Variants in UMAD1 observed in about 807,000 individuals in gnomAD.
UMAD1 encodes the protein UBAP1-MVB12-associated (UMA)-domain containing protein 1.
Under a neutral mutation model 6.1 loss-of-function variants are expected in UMAD1, and 8 were observed. The ratio of observed to expected loss-of-function variants is 1.30; its 90% confidence interval spans 0.76 to 2.35. UMAD1 has a LOEUF of 2.35. Among genes scored for constraint, UMAD1 ranks in the 30% most tolerant of loss-of-function variants. The probability of loss-of-function intolerance (pLI) is 0.00; values close to 1 mark genes in which losing one functional copy is unlikely to be tolerated. For synonymous variants in UMAD1, 56 were observed against 31.4 expected (o/e 1.78, Z -2.61); for missense variants, 130 against 78.4 (o/e 1.66, Z -2.49).
intron 3 of UMAD1, among the ~76,000 whole-genome samples, chr7:7,808,386 CA>C (rs1381545270): frequency 6.6e-6 from 1 of 151,920 alleles, no homozygotes; most frequent in Non-Finnish European, 1.5e-5. Flanking sequence ...ATAAACATTA[CA>C]TGTAAGCAAG....
intron 3 of UMAD1, among the ~76,000 whole-genome samples, chr7:7,808,182 T>C (rs1272028170): frequency 6.6e-6 from 1 of 152,014 alleles, no homozygotes; most frequent in African/African-American, 2.4e-5. Context: ...AATTAAAGGA[T>C]TAGACACATC....
intron 2 of UMAD1, among the ~76,000 whole-genome samples, chr7:7,784,931 T>G (rs1395499401): frequency 6.6e-6 from 1 of 151,924 alleles, no homozygotes; most frequent in Non-Finnish European, 1.5e-5. Context: ...CCCGGCTAAT[T>G]TTTTGTATTT....
At chr7:7,744,609 T>A (rs1476732247) in intron 2 of UMAD1, among the ~76,000 whole-genome samples, 4 of 151,568 alleles carry the variant, frequency 2.6e-5, no homozygotes, top group Admixed American at 6.6e-5. Context: ...TTTTTTTTTT[T>A]ATTATAGTCA....
chr7:7,716,803 G>A (rs1310593428), intron 2 of UMAD1, among the ~76,000 whole-genome samples: 3 of 152,128 alleles, frequency 2.0e-5, no homozygotes, highest in East Asian at 1.9e-4. Context: ...AAAATTAGGC[G>A]GGCATGGTGG....
intron 3 of UMAD1, among the ~76,000 whole-genome samples, chr7:7,822,279 T>C (rs772477057): frequency 5.9e-5 from 9 of 152,038 alleles, no homozygotes; most frequent in Non-Finnish European, 1.3e-4. Context: ...GGGTAAATGC[T>C]GATAATAATG....
intron 2 of UMAD1, among the ~76,000 whole-genome samples, chr7:7,786,292 G>C (rs562777925): frequency 6.6e-6 from 1 of 152,220 alleles, no homozygotes; most frequent in East Asian, 1.9e-4. Flanking sequence ...AAAATCACAA[G>C]CTAATTATTT....
At chr7:7,749,425 C>G (rs1781636692) in intron 2 of UMAD1, among the ~76,000 whole-genome samples, 1 of 152,054 alleles carries the variant, frequency 6.6e-6, no homozygotes, top group Non-Finnish European at 1.5e-5. Flanking sequence ...CTGCCTAATC[C>G]AAGGAAAAAT....
intron 1 of UMAD1, among the ~76,000 whole-genome samples, chr7:7,646,095 T>C (rs192961250): frequency 1.4e-3 from 207 of 152,318 alleles, no homozygotes; most frequent in African/African-American, 4.6e-3. Context: ...ACAGTGCTCT[T>C]TTAGCCCTGC....
At chr7:7,668,611 C>T (rs1297119751) in intron 1 of UMAD1, among the ~76,000 whole-genome samples, 1 of 152,086 alleles carries the variant, frequency 6.6e-6, no homozygotes, top group African/African-American at 2.4e-5. Context: ...GTAATGAAAC[C>T]AGTTTTACCA....
At chr7:7,814,671 A>G (rs1461359073) in intron 3 of UMAD1, among the ~76,000 whole-genome samples, 1 of 152,156 alleles carries the variant, frequency 6.6e-6, no homozygotes, top group Non-Finnish European at 1.5e-5. Flanking sequence ...AATAGGTTGT[A>G]AGTGGTATAC....
intron 2 of UMAD1, among the ~76,000 whole-genome samples, chr7:7,753,348 G>A (rs986369406): frequency 1.4e-4 from 21 of 152,120 alleles, no homozygotes; most frequent in African/African-American, 4.6e-4. Flanking sequence ...CTCTTGTGTT[G>A]TCAAATATTT....
At chr7:7,805,194 C>T (rs952001330) in intron 3 of UMAD1, among the ~76,000 whole-genome samples, 1 of 152,108 alleles carries the variant, frequency 6.6e-6, no homozygotes, top group African/African-American at 2.4e-5. Context: ...GCCTATGTAA[C>T]ATTTCACTTA....
At chr7:7,871,834 A>T (rs1454094131) in intron 3 of UMAD1, among the ~76,000 whole-genome samples, 2 of 129,650 alleles carry the variant, frequency 1.5e-5, no homozygotes, top group South Asian at 4.9e-4. Context: ...CTCACAAATA[A>T]CAGAGAATTG....
At chr7:7,841,061 A>G (rs1178631355) in intron 3 of UMAD1, among the ~76,000 whole-genome samples, 1 of 152,226 alleles carries the variant, frequency 6.6e-6, no homozygotes, top group East Asian at 1.9e-4. Flanking sequence ...TACCTGTGCC[A>G]GGGTTGGGAT....
chr7:7,729,773 C>T (rs1481838808), intron 2 of UMAD1, among the ~76,000 whole-genome samples: 1 of 152,218 alleles, frequency 6.6e-6, no homozygotes, highest in Non-Finnish European at 1.5e-5. Flanking sequence ...TCATTCTCTG[C>T]TGTGGTCTTG....
At position 7,862,651 on chromosome 7, in the gene UMAD1, A is replaced by G. The variant is rs115943357; in HGVS notation, c.157-14630A>G. ...AGATGCTGTAGTTTTCTAAGCTACT[A>G]CATGTTGTAACCAGCTTGGTAGATT... is the stretch of plus-strand genomic sequence containing the variant. On this transcript the variant is annotated intron_variant, in intron 3 of 3. Transcript: ENST00000682710. Among the ~76,000 whole-genome samples the G allele has an allele frequency of 4.4e-3, 669 of 152,330 alleles. 5 individuals carry two copies. The highest frequency in any genetic ancestry group is 0.016 in the African/African-American group (652 of 41,564).
chr7:7,840,130 T>C (rs1783650000), intron 3 of UMAD1, among the ~76,000 whole-genome samples: 1 of 152,148 alleles, frequency 6.6e-6, no homozygotes, highest in East Asian at 1.9e-4. Context: ...GGTCACAAAA[T>C]TGGCAGAGTG....
intron 3 of UMAD1, among the ~76,000 whole-genome samples, chr7:7,804,706 G>T (rs1212382105): frequency 6.6e-6 from 1 of 152,110 alleles, no homozygotes; most frequent in Non-Finnish European, 1.5e-5. Flanking sequence ...ATGAGGCCGG[G>T]TGCGGTGGCT....
At chr7:7,690,562 G>A (rs1439657098) in intron 2 of UMAD1, among the ~76,000 whole-genome samples, 2 of 152,042 alleles carry the variant, frequency 1.3e-5, no homozygotes, top group African/African-American at 4.8e-5. Flanking sequence ...TAAGGTGGGG[G>A]TGATGCCGCA....
Sources: allele counts gnomAD v4.1 joint callset (sites outside exome capture counted in the v4.1 genomes callset), GRCh38; gene constraint gnomAD v4.1.1; transcripts MANE v1.5; gene names NCBI Gene and HGNC (gene_info 2026-07-23, HGNC 2026-07-21).